Variants in CTIF observed in about 807,000 individuals in gnomAD.
CTIF encodes the protein CBP80/20-dependent translation initiation factor.
CTIF carries 21 observed loss-of-function variants against 66.0 expected under a neutral mutation model. The ratio of observed to expected loss-of-function variants is 0.32; its 90% confidence interval spans 0.23 to 0.46. The LOEUF (loss-of-function observed/expected upper bound fraction) is 0.46, where lower values mean the gene tolerates loss of function less well. CTIF is among the 20% of genes least tolerant of loss of function. The pLI is 1.00. For missense variants in CTIF, 739 were observed against 812.7 expected, an observed-to-expected ratio of 0.91 and a Z score of 1.10; for synonymous variants, 345 against 326.4, an observed-to-expected ratio of 1.06 and a Z score of -0.62.
Position 48,568,635 on chromosome 18 carries a change from A to AAAAAAAAAAAAG in CTIF, c.-29+29334_-29+29335insGAAAAAAAAAAA, listed in dbSNP as rs2089335272. On this transcript the variant is annotated intron_variant, in intron 1 of 11. Transcript: ENST00000256413. ...AATACCTGAGACTGGGCAATTTGTAAAAAAAAAAAAAAAAAAAAAAAAAAA... is the reference window on the plus strand; with the variant it reads ...AATACCTGAGACTGGGCAATTTGTAAAAAAAAAAAAAGAAAAAAAAAAAAAAAAAAAAAAAAA... Among the ~76,000 whole-genome samples the AAAAAAAAAAAAG allele has an allele frequency of 2.0e-4, 11 of 55,424 alleles. 2 individuals are homozygous for AAAAAAAAAAAAG. Among genetic ancestry groups the AAAAAAAAAAAAG allele is most frequent in the Non-Finnish European group, 5.6e-5 (2 of 35,858 alleles). The allele number at this position is 55,424 out of a possible 152,430, so 36.4% of individuals were successfully genotyped here. A position where few individuals can be genotyped will look rare whatever the true frequency, so the allele number is the denominator to read the frequency against.
Position 48,789,999 on chromosome 18 carries a change from T to C in CTIF, c.1372-27222T>C, listed in dbSNP as rs552378520. ...CTCTCTATGTCCTAGGTGTCTCATC[T>C]ATAAAATGGGATGATCACAGCTTCA... On this transcript the variant is annotated intron_variant, in intron 9 of 11. Coordinates refer to ENST00000256413, the MANE Select transcript of CTIF (RefSeq NM_014772.3). Among the ~76,000 whole-genome samples, 6 of 152,320 alleles carry C rather than the reference T, an allele frequency of 3.9e-5. No homozygotes were observed. In the South Asian group the frequency reaches 1.2e-3, roughly 32 times the overall value.
At chr18:48,755,581 T>C (rs1253328489) in intron 7 of CTIF, 4 of 152,198 alleles carry the variant, frequency 2.6e-5, no homozygotes, top group African/African-American at 9.7e-5. Flanking sequence ...AAACTGAATA[T>C]TTCAGCAATG....
At chr18:48,855,844 G>T (rs770537531) in intron 10 of CTIF, among the ~76,000 whole-genome samples, 3 of 152,184 alleles carry the variant, frequency 2.0e-5, no homozygotes, top group Non-Finnish European at 4.4e-5. Flanking sequence ...TAAGGGGAGA[G>T]CAAAATGACT....
At chr18:48,845,844 T>C (rs967331027) in intron 10 of CTIF, among the ~76,000 whole-genome samples, 1 of 152,132 alleles carries the variant, frequency 6.6e-6, no homozygotes, top group Admixed American at 6.5e-5. Flanking sequence ...TTCTACCTCA[T>C]CCTTTTCCTC....
intron 3 of CTIF, among the ~76,000 whole-genome samples, chr18:48,656,732 G>T (rs1023859252): frequency 4.6e-5 from 7 of 152,176 alleles, no homozygotes; most frequent in African/African-American, 9.7e-5. Flanking sequence ...GTGTTTAAGT[G>T]CTAAGAACAA....
intron 10 of CTIF, among the ~76,000 whole-genome samples, chr18:48,827,596 C>G (rs535905323): frequency 2.0e-5 from 3 of 152,308 alleles, no homozygotes; most frequent in South Asian, 4.1e-4. Context: ...TCAGGAGAAC[C>G]TTTCTGCATG....
intron 4 of CTIF, among the ~76,000 whole-genome samples, chr18:48,664,033 G>A (rs1263964706): frequency 3.9e-5 from 6 of 152,182 alleles, no homozygotes; most frequent in Admixed American, 6.5e-5. Flanking sequence ...GAGGGCCCCC[G>A]GGATGGGGCT....
At chr18:48,616,716 C>G (rs949874381) in intron 1 of CTIF, among the ~76,000 whole-genome samples, 1 of 152,200 alleles carries the variant, frequency 6.6e-6, no homozygotes, top group African/African-American at 2.4e-5. Flanking sequence ...GTCATTCCTA[C>G]TATTAGCAGA....
intron 1 of CTIF, among the ~76,000 whole-genome samples, chr18:48,599,248 T>A (rs1019001853): frequency 1.3e-5 from 2 of 151,870 alleles, no homozygotes; most frequent in African/African-American, 4.8e-5. Context: ...TGTGACCGGA[T>A]CTGAAAGGAC....
At chr18:48,794,059 C>A (rs1408773175) in intron 9 of CTIF, among the ~76,000 whole-genome samples, 6 of 152,126 alleles carry the variant, frequency 3.9e-5, no homozygotes, top group Non-Finnish European at 8.8e-5. Flanking sequence ...ATCTGTACCA[C>A]CTTGGGATCC....
intron 6 of CTIF, among the ~76,000 whole-genome samples, chr18:48,700,845 C>G (rs1568148216): frequency 2.6e-5 from 4 of 152,240 alleles, no homozygotes; most frequent in Non-Finnish European, 5.9e-5. Context: ...TCTTGTTTTC[C>G]TGTGTCTGTG....
chr18:48,635,235 C>T (rs1008476449), intron 2 of CTIF, among the ~76,000 whole-genome samples: 5 of 152,116 alleles, frequency 3.3e-5, no homozygotes. Flanking sequence ...TGCACTGGCA[C>T]ACACTCACAG....
intron 6 of CTIF, among the ~76,000 whole-genome samples, chr18:48,682,601 A>G (rs748151686): frequency 3.3e-5 from 5 of 152,122 alleles, no homozygotes; most frequent in Non-Finnish European, 7.4e-5. Context: ...ACCTTCCCCT[A>G]TCCCCTTCTA....
At chr18:48,783,824 G>T (rs964391352) in intron 9 of CTIF, among the ~76,000 whole-genome samples, 2 of 151,874 alleles carry the variant, frequency 1.3e-5, no homozygotes, top group African/African-American at 4.8e-5. Context: ...GCTGCCTGCC[G>T]ACCACCGCCC....
intron 1 of CTIF, among the ~76,000 whole-genome samples, chr18:48,602,870 G>GATGA (rs1313684101): frequency 6.7e-6 from 1 of 150,026 alleles, no homozygotes; most frequent in Non-Finnish European, 1.5e-5. Context: ...TGGATGGATG[G>GATGA]ATGGATGGAT....
At chr18:48,830,648 G>T (rs2068671410) in intron 10 of CTIF, among the ~76,000 whole-genome samples, 1 of 152,112 alleles carries the variant, frequency 6.6e-6, no homozygotes, top group African/African-American at 2.4e-5. Flanking sequence ...GTAGAATAAG[G>T]CTCAGGACCT....
intron 3 of CTIF, among the ~76,000 whole-genome samples, chr18:48,638,408 T>C (rs1034453752): frequency 6.6e-6 from 1 of 152,182 alleles, no homozygotes; most frequent in Non-Finnish European, 1.5e-5. Context: ...TGGGGGCTTG[T>C]CTGCTGTCTT....
intron 1 of CTIF, among the ~76,000 whole-genome samples, chr18:48,585,236 C>T (rs757385641): frequency 2.6e-5 from 4 of 152,320 alleles, no homozygotes; most frequent in Non-Finnish European, 5.9e-5. Context: ...ATTTGAAGAT[C>T]GTGCAAGAAA....
rs3816755 is a variant in CTIF at position 48,664,350 on chromosome 18, G to A, written c.327-97G>A. 78,780 of 1,097,100 alleles carry A rather than the reference G, an allele frequency of 0.072. 3,146 individuals carry two copies. Among genetic ancestry groups the A allele is most frequent in the South Asian group, 0.1 (7,648 of 76,214 alleles). 68.0% of individuals were successfully genotyped at this position (1,097,100 alleles called of 1,614,324 possible). On this transcript the variant is annotated intron_variant, in intron 4 of 11. Coordinates refer to ENST00000256413, the MANE Select transcript of CTIF (RefSeq NM_014772.3). ...CTGGCCCCTGGCGGCTCCTTTCTGC[G>A]GATCTGCTCTGCCAGGTTCAGCCTG...
Sources: gnomAD v4.1 joint callset for allele counts (sites outside exome capture counted in the v4.1 genomes callset) on GRCh38, gnomAD v4.1.1 for gene constraint, MANE v1.5 for transcripts, NCBI Gene and HGNC (gene_info 2026-07-23, HGNC 2026-07-21) for gene names.